The following MBP variants were observed in gnomAD, a reference collection of about 807,000 sequenced individuals.
The protein encoded by MBP is myelin basic protein, also known as Golli-MBP.
In MBP, 16 loss-of-function variants were observed where a neutral mutation model predicts 35.8. The ratio of observed to expected loss-of-function variants is 0.45; its 90% CI spans 0.30 to 0.68. The LOEUF is 0.68. Among genes scored for constraint, MBP ranks in the 30% least tolerant of loss-of-function variants. MBP has a pLI of 0.08. For missense variants in MBP, 380 were observed against 404.7 expected (o/e 0.94, Z 0.52); for synonymous variants, 143 against 159.6 (o/e 0.90, Z 0.78).
intron 1 of MBP, among the ~76,000 whole-genome samples, chr18:77,124,452 G>A (rs952137052): frequency 2.7e-5 from 4 of 148,440 alleles, no homozygotes; most frequent in Non-Finnish European, 4.5e-5. Flanking sequence ...CCCCCACCCC[G>A]TGCTGGCCTC....
intron 1 of MBP, among the ~76,000 whole-genome samples, chr18:77,132,032 C>A (rs1467977385): frequency 1.3e-5 from 2 of 152,132 alleles, no homozygotes; most frequent in African/African-American, 4.8e-5. Context: ...GCGGGGCCCC[C>A]GGGGTGTGAT....
chr18:77,118,159 A>G (rs1397477430), intron 1 of MBP, among the ~76,000 whole-genome samples: 1 of 35,034 alleles, frequency 2.9e-5, no homozygotes, highest in Non-Finnish European at 5.2e-5. Flanking sequence ...TTGGGGTGGG[A>G]TGGGGACAGT....
Position 77,131,406 on chromosome 18 carries a change from G to A in MBP, c.-26+1174C>T, listed in dbSNP as rs1165935969. 4 of 152,300 alleles carry A rather than the reference G, an allele frequency of 2.6e-5. No homozygotes were observed. The East Asian group carries it at 7.7e-4, about 29-fold the overall frequency. 9.4% of individuals were successfully genotyped at this position (152,300 alleles called of 1,614,324 possible). A position where few individuals can be genotyped will look rare whatever the true frequency, so the allele number is the denominator to read the frequency against. On this transcript the variant is annotated intron_variant, in intron 1 of 8. Coordinates refer to ENST00000355994, the MANE Select transcript of MBP (RefSeq NM_001025101.2). This position sits in a 1 kb window ranked among gnomAD's most constrained non-coding sequence, Gnocchi z 5.5. Reference sequence around the variant, plus strand: ...CCTCTGAAAAACTCTCTTTCCAGGCGGGGCGTTCTGTGGTCAGACGAGGCA... The same window carrying A: ...CCTCTGAAAAACTCTCTTTCCAGGCAGGGCGTTCTGTGGTCAGACGAGGCA...
chr18:77,015,025 A>G, intron 4 of MBP: 1 of 983,198 alleles, frequency 1.0e-6, no homozygotes, highest in Non-Finnish European at 1.2e-6. Context: ...TTCTGAGACT[A>G]GAATGTTTTC....
chr18:77,099,729 C>CGCAAA lies in MBP; in HGVS notation c.51+5477_51+5481dup, dbSNP rs538467947. Among the ~76,000 whole-genome samples, 212 of 152,344 alleles carry CGCAAA rather than the reference C, an allele frequency of 1.4e-3. 4 individuals carry two copies. In the East Asian group the frequency reaches 0.038, roughly 27 times the overall value. On this transcript the variant is annotated intron_variant, in intron 2 of 8. Coordinates refer to ENST00000355994, the MANE Select transcript of MBP (RefSeq NM_001025101.2). ...AGGGTCCTAAGTATGGGGAGGGCTG[C>CGCAAA]GCAAAGCCATGACTCAGCACGTGGG...
intron 2 of MBP, among the ~76,000 whole-genome samples, chr18:77,067,038 G>T (rs1974228046): frequency 6.6e-6 from 1 of 152,234 alleles, no homozygotes; most frequent in Admixed American, 6.5e-5. Context: ...AAAGTTTTCA[G>T]TACATAGTTT....
chr18:77,054,001 G>A (rs1568315175), intron 3 of MBP, among the ~76,000 whole-genome samples: 1 of 152,214 alleles, frequency 6.6e-6, no homozygotes, highest in Non-Finnish European at 1.5e-5. Flanking sequence ...CTCGAGGTGG[G>A]GCCACATGAT....
rs918161272 is a variant in MBP at position 77,041,909 on chromosome 18, C to A, written c.139+24389G>T. 1.0e-4 allele frequency among the ~76,000 whole-genome samples: 15 copies of A among 148,650 alleles called. No homozygotes were observed. In the South Asian group the frequency reaches 1.6e-3, roughly 15 times the overall value. On this transcript the variant is annotated intron_variant, in intron 3 of 8. Transcript: ENST00000355994. ...AAACCTGCACGTTGTGCACATGTACCCTAAGACTTAAAGTATAATTAAAAA... is the reference window on the plus strand; with the variant it reads ...AAACCTGCACGTTGTGCACATGTACACTAAGACTTAAAGTATAATTAAAAA...
chr18:77,122,497 C>T (rs1233062506), intron 1 of MBP, among the ~76,000 whole-genome samples: 5 of 152,128 alleles, frequency 3.3e-5, no homozygotes, highest in South Asian at 2.1e-4. Flanking sequence ...AAGTGAACTG[C>T]GGCATAGAAG....
chr18:77,109,798 T>C (rs541060206), intron 1 of MBP: 17 of 152,348 alleles, frequency 1.1e-4, no homozygotes, highest in African/African-American at 3.8e-4. Context: ...CTTCATTTTG[T>C]TTAGGCTTAT....
intron 4 of MBP, among the ~76,000 whole-genome samples, chr18:77,012,385 A>G (rs1364085394): frequency 6.6e-6 from 1 of 152,152 alleles, no homozygotes. Flanking sequence ...CTCAGCGTCC[A>G]CCCTCCCTAA....
intron 3 of MBP, among the ~76,000 whole-genome samples, chr18:77,040,087 C>A (rs1356721588): frequency 2.0e-5 from 3 of 152,196 alleles, no homozygotes; most frequent in African/African-American, 7.2e-5. Context: ...GAATATGCAC[C>A]TGCCTTGACA....
chr18:77,006,084 C>A (rs1970954262), intron 4 of MBP: 1 of 152,232 alleles, frequency 6.6e-6, no homozygotes, highest in Admixed American at 6.5e-5. Flanking sequence ...GGTTCTTCCT[C>A]CTGTGCTTTC....
Position 76,984,903 on chromosome 18 carries a change from GAA to G in MBP, c.751-11_751-10del. On this transcript the variant is annotated splice_polypyrimidine_tract_variant and intron_variant, in intron 7 of 8. Transcript: ENST00000355994. ...CTCTGGCCTTCGGCCCCCTGCAAGA[GAA>G]GACCACGGAGCTCAACCTCCACCCG... is the stretch of plus-strand genomic sequence containing the variant. The G allele has an allele frequency of 6.2e-7, 1 of 1,612,566 alleles. No homozygotes were observed. The highest frequency in any genetic ancestry group is 8.5e-7 in the Non-Finnish European group (1 of 1,179,956).
rs76589780 is a variant in MBP at position 77,029,670 on chromosome 18, T to C, written c.140-12402A>G. ...TAGACTCACTCGTTCTCCACATTTTTACCTTGGCTTTAAAAGTAGTATGTT... is the reference window on the plus strand; with the variant it reads ...TAGACTCACTCGTTCTCCACATTTTCACCTTGGCTTTAAAAGTAGTATGTT... On this transcript the variant is annotated intron_variant, in intron 3 of 8. Transcript: ENST00000355994. Among the ~76,000 whole-genome samples, 827 of 152,290 alleles carry C rather than the reference T, an allele frequency of 5.4e-3. 7 individuals carry two copies. Among genetic ancestry groups the C allele is most frequent in the Middle Eastern group, 0.024 (7 of 294 alleles).
chr18:77,099,315 G>A (rs1368628264), intron 2 of MBP, among the ~76,000 whole-genome samples: 1 of 152,204 alleles, frequency 6.6e-6, no homozygotes, highest in East Asian at 1.9e-4. Flanking sequence ...TCCCAGCCAC[G>A]TGTGGCCACC....
At chr18:76,986,970 A>C (rs1451893803) in intron 7 of MBP, 18 of 985,350 alleles carry the variant, frequency 1.8e-5, no homozygotes, top group Middle Eastern at 5.2e-4. Context: ...AGACAAGGAG[A>C]GAGTCCTGCG....
chr18:77,108,850 C>T (rs1224680624), intron 1 of MBP: 2 of 152,224 alleles, frequency 1.3e-5, no homozygotes, highest in African/African-American at 4.8e-5. Flanking sequence ...AGGTATTTTA[C>T]TGATTTCATT....
chr18:77,096,433 T>C (rs761842117), intron 2 of MBP, among the ~76,000 whole-genome samples: 2 of 151,906 alleles, frequency 1.3e-5, no homozygotes, highest in African/African-American at 4.8e-5. Flanking sequence ...TCATTCCTCC[T>C]GTCTGCAGTT....
Sources: allele counts gnomAD v4.1 joint callset (sites outside exome capture counted in the v4.1 genomes callset), GRCh38; gene constraint gnomAD v4.1.1; non-coding constraint Gnocchi (gnomAD v3.1); transcripts MANE v1.5; gene names NCBI Gene and HGNC (gene_info 2026-07-23, HGNC 2026-07-21).